NT5C1B: variants seen among roughly 807,000 people sequenced by gnomAD.
The protein encoded by NT5C1B is 5'-nucleotidase, cytosolic IB.
A neutral mutation model predicts 57.8 loss-of-function variants in NT5C1B; 44 were observed. That is an observed-to-expected ratio of 0.76 (90% CI 0.60 to 0.98). The LOEUF is 0.98. NT5C1B is among the 50% of genes least tolerant of loss of function. The pLI is 0.00. For missense variants in NT5C1B, 742 were observed against 719.5 expected (o/e 1.03, Z -0.36); for synonymous variants, 284 against 282.6 (o/e 1.00, Z -0.05).
At position 18,584,098 on chromosome 2, in the gene NT5C1B, C is replaced by A. The variant is rs773168634; in HGVS notation, c.881G>T (p.Arg294Leu). The change falls in exon 5 of 9, where the codon CGC becomes CTC. Residue 294 changes from arginine (R) to leucine (L), a missense_variant. Arg to Leu is a moderately radical substitution (Grantham distance 102, BLOSUM62 -2). Transcript: ENST00000304081. This position sits in a 1 kb window ranked among gnomAD's most constrained non-coding sequence, Gnocchi z 5.8. The stretch of plus-strand genomic sequence containing the variant: ...CAGCTTGCAGAATACCTTGACGAAG[C>A]GGAACGCCGGGCCCGGGGTCAGGAT... The A allele has an allele frequency of 6.2e-7, 1 of 1,614,168 alleles. No homozygotes were observed. Among genetic ancestry groups the A allele is most frequent in the South Asian group, 1.1e-5 (1 of 91,068 alleles).
chr2:18,585,157 T>A, intron 3 of NT5C1B, 179 bp from the exon 4 acceptor site: 1 of 844,904 alleles, frequency 1.2e-6, no homozygotes, highest in Non-Finnish European at 2.0e-6. Flanking sequence ...ATATTTCTGT[T>A]AAACAGACAC....
chr2:18,576,340 T>C (rs760010174), exon 8 of NT5C1B: 1 of 1,613,218 alleles, frequency 6.2e-7, no homozygotes, highest in South Asian at 1.1e-5. Flanking sequence ...TGTCTTTGGC[T>C]CCATCAAACA....
rs781388392 is a variant in NT5C1B at position 18,584,831 on chromosome 2, G to A, written c.406C>T (p.Pro136Ser). 1 of 1,611,428 alleles carries A rather than the reference G, an allele frequency of 6.2e-7. No individual in the cohort carries two copies. Among genetic ancestry groups the A allele is most frequent in the Non-Finnish European group, 8.5e-7 (1 of 1,179,198 alleles). Residue 136 changes from proline (P) to serine (S), a missense_variant, in exon 4 of 9, where the codon CCC (proline) becomes TCC (serine). Transcript: ENST00000304081. This position sits in a 1 kb window ranked among gnomAD's most constrained non-coding sequence, Gnocchi z 5.8. ...CGGGAGCCAGGATCGGGCTCTGGGG[G>A]CGTGGGAGGCCGCGAGTCCAGCGAC... is the stretch of plus-strand genomic sequence containing the variant.
intron 8 of NT5C1B, among the ~76,000 whole-genome samples, chr2:18,569,741 T>A: frequency 6.6e-6 from 1 of 152,092 alleles, no homozygotes; most frequent in South Asian, 2.1e-4. Context: ...GATAAATAGA[T>A]AAATTCTCAA....
chr2:18,580,520 C>G (rs899805830), intron 6 of NT5C1B, among the ~76,000 whole-genome samples: 1 of 152,154 alleles, frequency 6.6e-6, no homozygotes, highest in Non-Finnish European at 1.5e-5. Context: ...GAGGCTGAGG[C>G]AGGAGAATCA....
intron 8 of NT5C1B, among the ~76,000 whole-genome samples, chr2:18,571,749 T>C (rs1665200796): frequency 1.1e-5 from 1 of 87,058 alleles, no homozygotes; most frequent in Non-Finnish European, 2.2e-5. Flanking sequence ...TATATATATA[T>C]ATATATATAT....
At chr2:18,579,370 T>C (rs761204250) in intron 6 of NT5C1B, among the ~76,000 whole-genome samples, 8 of 152,148 alleles carry the variant, frequency 5.3e-5, no homozygotes, top group Non-Finnish European at 1.0e-4. Context: ...GGAAGTATTA[T>C]ATAACCAAAC....
At chr2:18,587,751 A>T (rs1205349257) in intron 1 of NT5C1B, among the ~76,000 whole-genome samples, 159 bp from the exon 2 acceptor site, 3 of 152,228 alleles carry the variant, frequency 2.0e-5, no homozygotes, top group African/African-American at 7.2e-5. Flanking sequence ...TCTAACAAGC[A>T]TGAGTAAAAG....
chr2:18,587,670 T>C (rs1396588532), intron 1 of NT5C1B, 78 bp from the exon 2 acceptor site: 8 of 1,487,872 alleles, frequency 5.4e-6, no homozygotes, highest in Non-Finnish European at 7.2e-6. Flanking sequence ...AATAAAAGGA[T>C]AAAGAAAACA....
At chr2:18,566,817 C>T (rs1481822075) in intron 8 of NT5C1B, among the ~76,000 whole-genome samples, 1 of 152,112 alleles carries the variant, frequency 6.6e-6, no homozygotes, top group African/African-American at 2.4e-5. Context: ...AACAAGAAAA[C>T]TCCAATCTAA....
chr2:18,587,285 GGTTC>G, intron 2 of NT5C1B: 2 of 1,485,446 alleles, frequency 1.3e-6, no homozygotes, highest in Non-Finnish European at 1.8e-6. Flanking sequence ...AGCCTGCTGT[GGTTC>G]CACACATTCG....
In NT5C1B at chr2:18,584,857, C is replaced by A; in HGVS notation, c.380G>T (p.Arg127Leu). 1 of 1,605,194 alleles carries A rather than the reference C, an allele frequency of 6.2e-7. No individual in the cohort carries two copies. The highest frequency in any genetic ancestry group is 1.3e-5 in the African/African-American group (1 of 74,834). The change falls in exon 4 of 9, where the codon CGG (arginine) becomes CTG (leucine). Residue 127 changes from arginine to leucine, a missense_variant. By Grantham distance (102) the Arg-to-Leu change is moderately radical. Coordinates refer to ENST00000304081, the Ensembl canonical transcript of NT5C1B. The surrounding 1 kb of genome is among the most constrained non-coding windows in gnomAD (Gnocchi z 5.8). The stretch of plus-strand genomic sequence containing the variant: ...CGTGGGAGGCCGCGAGTCCAGCGAC[C>A]GGGGCAGCTGGGGCGACGCGGGTGG...
chr2:18,572,242 TAAG>T (rs1324193499), intron 8 of NT5C1B, among the ~76,000 whole-genome samples: 1 of 152,026 alleles, frequency 6.6e-6, no homozygotes, highest in African/African-American at 2.4e-5. Context: ...GAAATTAGGA[TAAG>T]GAGGAAAAAT....
intron 6 of NT5C1B, among the ~76,000 whole-genome samples, chr2:18,579,018 C>T (rs1354821676): frequency 2.0e-5 from 3 of 152,022 alleles, no homozygotes. Context: ...AAAGCCAAAT[C>T]AAGAATGCAA....
At position 18,584,336 on chromosome 2, in the gene NT5C1B, G is replaced by C; in HGVS notation, c.724-81C>G. The C allele has an allele frequency of 6.4e-7, 1 of 1,566,512 alleles. No individual in the cohort carries two copies. The highest frequency in any genetic ancestry group is 8.6e-7 in the Non-Finnish European group (1 of 1,157,326). ...TTGGGGCTCCTCCAGGGTAGGGTGAGAGTAGGACAGCGGGCCCCTGCTTGG... is the reference window on the plus strand; with the variant it reads ...TTGGGGCTCCTCCAGGGTAGGGTGACAGTAGGACAGCGGGCCCCTGCTTGG... On this transcript the variant is annotated intron_variant, in intron 4 of 8. Coordinates refer to ENST00000304081, the Ensembl canonical transcript of NT5C1B. This position sits in a 1 kb window ranked among gnomAD's most constrained non-coding sequence, Gnocchi z 5.8.
intron 8 of NT5C1B, among the ~76,000 whole-genome samples, chr2:18,565,244 T>A (rs1664538653): frequency 6.6e-6 from 1 of 152,210 alleles, no homozygotes; most frequent in Non-Finnish European, 1.5e-5. Flanking sequence ...ACAAATTTGT[T>A]CATTTGTACG....
intron 6 of NT5C1B, 105 bp downstream of exon 6, chr2:18,582,763 G>A: frequency 2.0e-6 from 3 of 1,483,396 alleles, no homozygotes; most frequent in East Asian, 4.7e-5. Context: ...GGGGGTGTCA[G>A]TATCAAAGAC....
chr2:18,579,031 C>T (rs2148140422), intron 6 of NT5C1B, among the ~76,000 whole-genome samples: 1 of 152,186 alleles, frequency 6.6e-6, no homozygotes, highest in Non-Finnish European at 1.5e-5. Context: ...GAATGCAATC[C>T]CATTTGCAAT....
chr2:18,571,789 A>C (rs1665214393), intron 8 of NT5C1B, among the ~76,000 whole-genome samples: 1 of 142,002 alleles, frequency 7.0e-6, no homozygotes. Flanking sequence ...AAGTTGAAGT[A>C]TTCACACCAC....
Sources: allele counts gnomAD v4.1 joint callset (sites outside exome capture counted in the v4.1 genomes callset), GRCh38; gene constraint gnomAD v4.1.1; non-coding constraint Gnocchi (gnomAD v3.1); transcripts MANE v1.5; gene names NCBI Gene and HGNC (gene_info 2026-07-23, HGNC 2026-07-21).